The following PRDM15 variants were observed in gnomAD, a reference collection of about 807,000 sequenced individuals.
The protein encoded by PRDM15 is PR/SET domain 15.
In PRDM15, 64 loss-of-function variants were observed where a neutral mutation model predicts 128.6. That is an observed-to-expected ratio of 0.50 (90% CI 0.41 to 0.61). The LOEUF (loss-of-function observed/expected upper bound fraction) is 0.61, where lower values mean the gene tolerates loss of function less well. Ranked by LOEUF, PRDM15 falls within the 20% of genes least tolerant of loss-of-function variation. The probability of loss-of-function intolerance (pLI) is 0.00; values close to 1 mark genes in which losing one functional copy is unlikely to be tolerated. For synonymous variants in PRDM15, 615 were observed against 621.8 expected (o/e 0.99, Z 0.16); for missense variants, 1,242 against 1,569.1 (o/e 0.79, Z 3.52).
intron 3 of PRDM15, among the ~76,000 whole-genome samples, chr21:41,858,162 C>T (rs892122030): frequency 1.3e-5 from 2 of 152,220 alleles, no homozygotes; most frequent in South Asian, 4.1e-4. Context: ...CCAAGTGGAG[C>T]GGGCCAGTTT....
chr21:41,836,096 G>C lies in PRDM15; in HGVS notation c.1278+17C>G, dbSNP rs757209402. 2 of 1,589,794 alleles carry C rather than the reference G, an allele frequency of 1.3e-6. No individual in the cohort carries two copies. The highest frequency in any genetic ancestry group is 3.3e-5 in the Admixed American group (2 of 59,896). ...CCACACAACTGGGAAGAGAACCCTG[G>C]GCTTGTTTCCACCCACCTCGTTCCT... On this transcript the variant is annotated intron_variant, in intron 10 of 23. Transcript: ENST00000398548.
rs2064051690 is a variant in PRDM15 at position 41,867,452 on chromosome 21, A to C, written c.-9-7080T>G. 55 of 1,145,108 alleles carry C rather than the reference A, an allele frequency of 4.8e-5. No homozygotes were observed. In the South Asian group the frequency reaches 7.0e-4, roughly 15 times the overall value. 70.9% of individuals were successfully genotyped at this position (1,145,108 alleles called of 1,614,324 possible). ...AACAGGTGAAACATACATGTTGAAGAGACAGAGTCTCACTATGTTGCCCAG... is the reference window on the plus strand; with the variant it reads ...AACAGGTGAAACATACATGTTGAAGCGACAGAGTCTCACTATGTTGCCCAG... On this transcript the variant is annotated intron_variant, in intron 1 of 23. Transcript: ENST00000398548.
intron 12 of PRDM15, among the ~76,000 whole-genome samples, chr21:41,827,648 T>C (rs1344273158): frequency 6.6e-6 from 1 of 152,254 alleles, no homozygotes; most frequent in Non-Finnish European, 1.5e-5. Flanking sequence ...AGGAGGGTTC[T>C]ACTTTACACA....
chr21:41,859,573 G>A lies in PRDM15; in HGVS notation c.131+19C>T, dbSNP rs760221123. The A allele has an allele frequency of 1.2e-6, 2 of 1,605,502 alleles. No homozygotes were observed. The highest frequency in any genetic ancestry group is 1.1e-5 in the South Asian group (1 of 90,822). ...CAGCTGGCATATGGAAGGCCCGGGA[G>A]CTCACGGCGGTCACTCACCTTGCCC... On this transcript the variant is annotated intron_variant, in intron 3 of 23. Transcript: ENST00000398548. The surrounding 1 kb of genome is among the most constrained non-coding windows in gnomAD (Gnocchi z 5.3).
Position 41,825,859 on chromosome 21 carries a change from A to G in PRDM15, c.1629+101T>C, listed in dbSNP as rs1356927647. The stretch of plus-strand genomic sequence containing the variant: ...CCTGAGCACCCATCGTTACCCCCCA[A>G]ATCTTCCCTGCAATATTCTATAAGT... On this transcript the variant is annotated intron_variant, in intron 13 of 23. Transcript: ENST00000398548. 9.5e-6 allele frequency: 9 copies of G among 945,654 alleles called. No individual in the cohort carries two copies. In the Admixed American group the frequency reaches 1.8e-4, roughly 19 times the overall value. The allele number at this position is 945,654 out of a possible 1,614,324, so 58.6% of individuals were successfully genotyped here.
chr21:41,829,333 CAA>C (rs1483286688), intron 11 of PRDM15, among the ~76,000 whole-genome samples: 3,183 of 151,194 alleles, frequency 0.021, 109 homozygotes, highest in African/African-American at 0.073. Context: ...ACACACCACA[CAA>C]AAACACATGC....
intron 8 of PRDM15, among the ~76,000 whole-genome samples, chr21:41,837,306 C>A (rs1191842411): frequency 6.6e-6 from 1 of 152,180 alleles, no homozygotes; most frequent in Non-Finnish European, 1.5e-5. Context: ...CTAGAAGCAA[C>A]CCAACTGTCC....
intron 1 of PRDM15, among the ~76,000 whole-genome samples, chr21:41,863,684 A>C (rs2063901533): frequency 6.6e-6 from 1 of 152,172 alleles, no homozygotes; most frequent in African/African-American, 2.4e-5. Flanking sequence ...GTTAAAAACA[A>C]CTTTGAAAAA....
chr21:41,831,254 G>T (rs945156199), intron 11 of PRDM15, among the ~76,000 whole-genome samples: 3 of 152,234 alleles, frequency 2.0e-5, no homozygotes, highest in Non-Finnish European at 4.4e-5. Context: ...GTGTCTCAGG[G>T]TCCCCCTGTC....
In PRDM15 at chr21:41,799,850, A is replaced by AAGTT. The variant is rs2146105785; in HGVS notation, c.*1386_*1389dup. 6.6e-6 allele frequency: 1 copy of AAGTT among 152,610 alleles called. No homozygotes were observed. Among genetic ancestry groups the AAGTT allele is most frequent in the African/African-American group, 2.4e-5 (1 of 41,554 alleles). The allele number at this position is 152,610 out of a possible 1,614,324, so 9.5% of individuals were successfully genotyped here. A position where few individuals can be genotyped will look rare whatever the true frequency, so the allele number is the denominator to read the frequency against. On this transcript the variant is annotated 3_prime_UTR_variant, in exon 24 of 24. Transcript: ENST00000398548. ...TGTGGCCACAAACAGAGTACCAGGA[A>AAGTT]AGTTAAGAGCAAACTTCTCCCCACA...
intron 13 of PRDM15, among the ~76,000 whole-genome samples, chr21:41,824,531 C>A (rs996726237): frequency 0.011 from 259 of 24,516 alleles, 2 homozygotes; most frequent in African/African-American, 0.045. Context: ...ATGTCAGGCA[C>A]AGATTGTTTG....
chr21:41,842,286 G>A (rs972715126), intron 6 of PRDM15, among the ~76,000 whole-genome samples: 10 of 152,074 alleles, frequency 6.6e-5, no homozygotes, highest in African/African-American at 2.4e-4. Flanking sequence ...CCATTTTTTA[G>A]TATTAGATAG....
In PRDM15 at chr21:41,831,518, C is replaced by T. The variant is rs144355730; in HGVS notation, c.1367-3185G>A. Among the ~76,000 whole-genome samples, 24 of 152,362 alleles carry T rather than the reference C, an allele frequency of 1.6e-4. No homozygotes were observed. In the East Asian group the frequency reaches 4.6e-3, roughly 29 times the overall value. On this transcript the variant is annotated intron_variant, in intron 11 of 23. Coordinates refer to ENST00000398548, the MANE Select transcript of PRDM15 (RefSeq NM_001040424.3). The stretch of plus-strand genomic sequence containing the variant: ...CTCTGGGGTGGGCCTTGGGCCTCCG[C>T]ATGTGTCTGGCCTCACTCAGGTGAT...
chr21:41,805,892 T>C (rs2061550593), intron 21 of PRDM15, among the ~76,000 whole-genome samples: 1 of 127,346 alleles, frequency 7.9e-6, no homozygotes, highest in South Asian at 2.7e-4. Context: ...CCTCCATCAC[T>C]ATCATTACCC....
intron 13 of PRDM15, among the ~76,000 whole-genome samples, chr21:41,823,791 C>T (rs959027994): frequency 6.6e-6 from 1 of 152,224 alleles, no homozygotes; most frequent in East Asian, 1.9e-4. Flanking sequence ...ACAGAAGTAC[C>T]TGCAATTTTC....
Position 41,862,516 on chromosome 21 carries a change from G to A in PRDM15, c.-9-2144C>T, listed in dbSNP as rs544133073. Among the ~76,000 whole-genome samples the A allele has an allele frequency of 1.3e-5, 2 of 152,264 alleles. No individual in the cohort carries two copies. Among genetic ancestry groups the A allele is most frequent in the South Asian group, 2.1e-4 (1 of 4,814 alleles). On this transcript the variant is annotated intron_variant, in intron 1 of 23. Coordinates refer to ENST00000398548, the MANE Select transcript of PRDM15 (RefSeq NM_001040424.3). The surrounding 1 kb of genome is among the most constrained non-coding windows in gnomAD (Gnocchi z 4.1). The stretch of plus-strand genomic sequence containing the variant: ...GAGGAAACCCAGAAGAGAGGGGCGA[G>A]GGAAGCTGGAGAGCAGGGTTTTAGC...
Position 41,798,849 on chromosome 21 carries a change from T to C in PRDM15, c.*2391A>G, listed in dbSNP as rs1421417395. The C allele has an allele frequency of 6.6e-6, 1 of 152,254 alleles. No individual in the cohort carries two copies. The highest frequency in any genetic ancestry group is 2.4e-5 in the African/African-American group (1 of 41,460). The allele number at this position is 152,254 out of a possible 1,614,324, so 9.4% of individuals were successfully genotyped here. On this transcript the variant is annotated 3_prime_UTR_variant, in exon 24 of 24. Coordinates refer to ENST00000398548, the MANE Select transcript of PRDM15 (RefSeq NM_001040424.3). Reference sequence around the variant, plus strand: ...CTGGGTGGTACATGGTTGTTGTATTTTGCTATCTAGTTTCTTTGATGCAAA... The same window carrying C: ...CTGGGTGGTACATGGTTGTTGTATTCTGCTATCTAGTTTCTTTGATGCAAA...
intron 1 of PRDM15, among the ~76,000 whole-genome samples, chr21:41,874,525 A>ATATATATATATATATATATATTTTTTTT: frequency 1.0e-5 from 1 of 95,826 alleles, no homozygotes; most frequent in Non-Finnish European, 2.0e-5. Context: ...ATATATATAT[A>ATATATATATATATATATATATTTTTTTT]TTTTTTTTTT....
rs1167724437 is a variant in PRDM15, at chr21:41,854,209, C to T, written c.538+357G>A. On this transcript the variant is annotated intron_variant, in intron 5 of 23. Transcript: ENST00000398548. The surrounding 1 kb of genome is among the most constrained non-coding windows in gnomAD (Gnocchi z 4.6). ...ACAGGCTGGTAGCTAGAACAGGCTACACCATACAGCCTGGGTGTGTAGCAG... is the reference window on the plus strand; with the variant it reads ...ACAGGCTGGTAGCTAGAACAGGCTATACCATACAGCCTGGGTGTGTAGCAG... Among the ~76,000 whole-genome samples the T allele has an allele frequency of 3.3e-5, 5 of 152,188 alleles. No individual in the cohort carries two copies. The highest frequency in any genetic ancestry group is 5.9e-5 in the Non-Finnish European group (4 of 68,046).
Sources: gnomAD v4.1 joint callset for allele counts (sites outside exome capture counted in the v4.1 genomes callset) on GRCh38, gnomAD v4.1.1 for gene constraint, Gnocchi (gnomAD v3.1) non-coding constraint, MANE v1.5 for transcripts, NCBI Gene and HGNC (gene_info 2026-07-23, HGNC 2026-07-21) for gene names.